Variants in SLC2A8 observed in about 807,000 individuals in gnomAD.
SLC2A8 encodes solute carrier family 2 member 8.
SLC2A8 carries 53 observed loss-of-function variants against 49.2 expected under a neutral mutation model. That is an observed-to-expected ratio of 1.08 (90% CI 0.86 to 1.35). The LOEUF (loss-of-function observed/expected upper bound fraction) is 1.35. Among genes scored for constraint, SLC2A8 ranks in the 40% most tolerant of loss-of-function variants. SLC2A8 has a pLI of 0.00. For missense variants in SLC2A8, 688 were observed against 671.7 expected, an observed-to-expected ratio of 1.02 and a Z score of -0.27; for synonymous variants, 299 against 297.0, an observed-to-expected ratio of 1.01 and a Z score of -0.07.
chr9:127,397,376 C>T lies in SLC2A8; in HGVS notation c.57C>T (p.Ser19=), dbSNP rs1318210568. ...CTCACCCTCGGCCCTGTCCCCCCAG[C>T]GCGCCCCGCGGCCGCCGCGTCTTCC... ...TQPLLGPPGG[S]APRGRRVFLA... is the part of the protein sequence containing the mutation. Residue 19 remains serine (S), a splice_region_variant and synonymous_variant, in exon 2 of 10, where the codon AGC becomes AGT. Coordinates refer to ENST00000373371, the MANE Select transcript of SLC2A8 (RefSeq NM_014580.5). 1.4e-6 allele frequency: 2 copies of T among 1,464,280 alleles called. No homozygotes were observed. The highest frequency in any genetic ancestry group is 6.0e-5 in the East Asian group (2 of 33,382). 90.7% of individuals were successfully genotyped at this position (1,464,280 alleles called of 1,614,324 possible). A position where few individuals can be genotyped will look rare whatever the true frequency, so the allele number is the denominator to read the frequency against.
chr9:127,397,983 C>T lies in SLC2A8; in HGVS notation c.298C>T (p.Leu100Phe). 1.9e-6 allele frequency: 3 copies of T among 1,544,774 alleles called. No homozygotes were observed. The highest frequency in any genetic ancestry group is 2.6e-6 in the Non-Finnish European group (3 of 1,151,802). The change falls in exon 3 of 10, where the codon CTC (leucine) becomes TTC (phenylalanine). Residue 100 changes from leucine to phenylalanine, a missense_variant. Coordinates refer to ENST00000373371, the MANE Select transcript of SLC2A8 (RefSeq NM_014580.5). ...LVDRAGRKLS[L>F]LLCSVPFVAG... Reference sequence around the variant, plus strand: ...GGACCGCGCCGGGCGCAAGCTGAGCCTCTTGCTGTGCTCCGTGCCCTTCGT... The same window carrying T: ...GGACCGCGCCGGGCGCAAGCTGAGCTTCTTGCTGTGCTCCGTGCCCTTCGT...
At chr9:127,405,312 A>ACCCCACAG in intron 8 of SLC2A8, 108 bp from the exon 9 acceptor site, 1 of 1,310,574 alleles carries the variant, frequency 7.6e-7, no homozygotes, top group Non-Finnish European at 1.0e-6. Context: ...GGGATCCGGG[A>ACCCCACAG]CCCCACAGCC....
intron 6 of SLC2A8, 22 bp from the exon 7 acceptor site, chr9:127,403,937 G>A: frequency 6.2e-7 from 1 of 1,608,902 alleles, no homozygotes; most frequent in African/African-American, 1.3e-5. Context: ...CACCTGACCT[G>A]CCTGGGCTCT....
chr9:127,403,372 T>G, intron 5 of SLC2A8: 1 of 469,304 alleles, frequency 2.1e-6, no homozygotes. Flanking sequence ...GTGCTGGATG[T>G]GTTGGTGGTG....
chr9:127,405,040 C>CG, intron 8 of SLC2A8, 49 bp downstream of exon 8: 1 of 1,562,106 alleles, frequency 6.4e-7, no homozygotes, highest in African/African-American at 1.3e-5. Context: ...GTGATCCCCC[C>CG]GGCCCTGCTG....
intron 5 of SLC2A8, chr9:127,403,247 A>C: frequency 1.0e-5 from 1 of 98,084 alleles, no homozygotes; most frequent in East Asian, 1.9e-4. Context: ...GGGCTTAGGG[A>C]GGAGGGGGGC....
At chr9:127,404,103 C>G (rs10819287) in intron 7 of SLC2A8, 36 bp downstream of exon 7, 1,406,587 of 1,476,924 alleles carry the variant, frequency 0.95, 670,733 homozygotes, top group Non-Finnish European at 0.96. Flanking sequence ...CCCCGCCATG[C>G]GGGGGAGGGC....
intron 9 of SLC2A8, chr9:127,406,165 C>A: frequency 2.1e-6 from 1 of 479,360 alleles, no homozygotes; most frequent in Non-Finnish European, 4.2e-6. Flanking sequence ...GGTCTCCTGG[C>A]ATGTGCCATG....
At chr9:127,397,592 G>A (rs1833080578) in intron 2 of SLC2A8, 54 bp downstream of exon 2, 3 of 1,365,438 alleles carry the variant, frequency 2.2e-6, no homozygotes, top group Non-Finnish European at 2.8e-6. Flanking sequence ...CTCCTCTCGG[G>A]ACGGGCATCG....
intron 4 of SLC2A8, among the ~76,000 whole-genome samples, chr9:127,401,139 T>C (rs1013698612): frequency 6.6e-6 from 1 of 152,176 alleles, no homozygotes; most frequent in East Asian, 1.9e-4. Flanking sequence ...CTGACCATCC[T>C]GAGTTTGGGG....
chr9:127,404,587 C>T (rs1368319026), intron 7 of SLC2A8: 2 of 535,366 alleles, frequency 3.7e-6, no homozygotes, highest in South Asian at 2.7e-5. Context: ...GTGCCGGTAC[C>T]TCCCATTTCC....
chr9:127,406,968 G>A, intron 9 of SLC2A8, 144 bp from the exon 10 acceptor site: 2 of 854,808 alleles, frequency 2.3e-6, no homozygotes, highest in East Asian at 4.9e-5. Flanking sequence ...CCCAGAGCTG[G>A]GTGGAGATAA....
intron 8 of SLC2A8, 111 bp from the exon 9 acceptor site, chr9:127,405,309 G>C (rs1483330055): frequency 1.6e-6 from 2 of 1,285,828 alleles, no homozygotes; most frequent in Admixed American, 2.3e-5. Flanking sequence ...ACTGGGATCC[G>C]GGACCCCACA....
Position 127,397,360 on chromosome 9 carries a change from G to T in SLC2A8, c.57-16G>T. The T allele has an allele frequency of 2.1e-6, 3 of 1,447,444 alleles. No individual in the cohort carries two copies. The highest frequency in any genetic ancestry group is 5.5e-5 in the Admixed American group (2 of 36,162). The allele number at this position is 1,447,444 out of a possible 1,614,324, so 89.7% of individuals were successfully genotyped here. Reference sequence around the variant, plus strand: ...CTCCGCGTCCGCTCCGCTCACCCTCGGCCCTGTCCCCCCAGCGCGCCCCGC... The same window carrying T: ...CTCCGCGTCCGCTCCGCTCACCCTCTGCCCTGTCCCCCCAGCGCGCCCCGC... On this transcript the variant is annotated splice_polypyrimidine_tract_variant and intron_variant, in intron 1 of 9. Transcript: ENST00000373371.
rs201045999 is a variant in SLC2A8, at chr9:127,405,509, G to T, written c.1240G>T (p.Val414Phe). 1.8e-5 allele frequency: 29 copies of T among 1,613,098 alleles called. No homozygotes were observed. Among genetic ancestry groups the T allele is most frequent in the Non-Finnish European group, 2.5e-5 (29 of 1,180,022 alleles). Residue 414 changes from valine (V) to phenylalanine (F), a missense_variant, in exon 9 of 10, where the codon GTC (valine) becomes TTC (phenylalanine). Transcript: ENST00000373371. Reference sequence around the variant, plus strand: ...CAAGGGCGTGGCGACAGGCATCTGCGTCCTCACCAACTGGCTCATGGCCTT... The same window carrying T: ...CAAGGGCGTGGCGACAGGCATCTGCTTCCTCACCAACTGGCTCATGGCCTT... ...HVKGVATGIC[V>F]LTNWLMAFLV...
intron 8 of SLC2A8, 33 bp downstream of exon 8, chr9:127,405,024 T>A (rs763414803): frequency 1.9e-6 from 3 of 1,576,904 alleles, no homozygotes; most frequent in Non-Finnish European, 2.6e-6. Flanking sequence ...GGGCGAGGAG[T>A]GGGAGGTGAT....
chr9:127,403,555 C>A, intron 5 of SLC2A8, 105 bp from the exon 6 acceptor site: 1 of 1,353,148 alleles, frequency 7.4e-7, no homozygotes, highest in Non-Finnish European at 1.0e-6. Flanking sequence ...GGAGCCAAGA[C>A]GTGGGAGTCA....
intron 3 of SLC2A8, 100 bp downstream of exon 3, chr9:127,398,211 G>T: frequency 8.1e-7 from 1 of 1,232,350 alleles, no homozygotes. Context: ...TCCCCCTGGC[G>T]GGACCTTCTG....
At chr9:127,404,645 C>G (rs995063131) in intron 7 of SLC2A8, 173 bp from the exon 8 acceptor site, 2 of 702,208 alleles carry the variant, frequency 2.8e-6, no homozygotes, top group Admixed American at 3.0e-5. Context: ...TCGCTGAGGT[C>G]CAAGGCGGGG....
Sources: allele counts gnomAD v4.1 joint callset (sites outside exome capture counted in the v4.1 genomes callset), GRCh38; gene constraint gnomAD v4.1.1; transcripts MANE v1.5; gene names NCBI Gene and HGNC (gene_info 2026-07-23, HGNC 2026-07-21).